ARK2C: variants seen among roughly 807,000 people sequenced by gnomAD.
ARK2C encodes the protein arkadia (RNF111) C-terminal like ring finger ubiquitin ligase 2C.
the ARK2C span, among the ~76,000 whole-genome samples, chr18:46,375,900 G>T: frequency 6.6e-6 from 1 of 152,182 alleles, no homozygotes; most frequent in East Asian, 1.9e-4. Context: ...AGCAAAACAG[G>T]TTCAGTCCCT....
At chr18:46,450,597 T>TA in the ARK2C span, 1 of 886,626 alleles carries the variant, frequency 1.1e-6, no homozygotes, top group Non-Finnish European at 1.8e-6. Flanking sequence ...TCCTGATAGC[T>TA]ATGTGAATGC....
chr18:46,443,941 G>A, the ARK2C span, among the ~76,000 whole-genome samples: 1 of 152,060 alleles, frequency 6.6e-6, no homozygotes, highest in Non-Finnish European at 1.5e-5. Context: ...CAGTCTCCTA[G>A]CAGTGCACTC....
the ARK2C span, among the ~76,000 whole-genome samples, chr18:46,359,867 C>T: frequency 6.6e-6 from 1 of 152,196 alleles, no homozygotes; most frequent in Non-Finnish European, 1.5e-5. Context: ...AACTAAGGCA[C>T]TTCCTAGAAA....
chr18:46,347,964 T>C, the ARK2C span, among the ~76,000 whole-genome samples: 46 of 152,186 alleles, frequency 3.0e-4, 1 homozygote, highest in African/African-American at 1.1e-3. Flanking sequence ...ATAATAACCA[T>C]AAGGGCAGTA....
At chr18:46,419,200 C>T in the ARK2C span, among the ~76,000 whole-genome samples, 8 of 152,128 alleles carry the variant, frequency 5.3e-5, no homozygotes, top group South Asian at 2.1e-4. Context: ...TTACTACAGA[C>T]GGCACTGGAG....
the ARK2C span, chr18:46,450,744 G>A: frequency 6.2e-6 from 10 of 1,613,862 alleles, no homozygotes; most frequent in Non-Finnish European, 7.6e-6. Flanking sequence ...AATGTGACTC[G>A]GGGAGCTGTA....
At chr18:46,334,711 TGTGTGAGA>T in the ARK2C span, 1,242 of 107,446 alleles carry the variant, frequency 0.012, 5 homozygotes, top group East Asian at 0.032. The surrounding 1 kb of genome is among the most constrained non-coding windows in gnomAD (Gnocchi z 4.4). Flanking sequence ...TGTGTGTGTG[TGTGTGAGA>T]GAGAGAGAGA....
chr18:46,461,345 GAAGA>G, the ARK2C span: 3 of 152,434 alleles, frequency 2.0e-5, no homozygotes, highest in Non-Finnish European at 4.4e-5. Flanking sequence ...TCTGAGGAGA[GAAGA>G]AAGAGGGAGA....
At chr18:46,449,454 C>A in the ARK2C span, among the ~76,000 whole-genome samples, 1 of 152,290 alleles carries the variant, frequency 6.6e-6, no homozygotes, top group South Asian at 2.1e-4. Flanking sequence ...GGTGCTGACA[C>A]AAACCCAAGC....
chr18:46,449,239 C>T, the ARK2C span, among the ~76,000 whole-genome samples: 2 of 152,166 alleles, frequency 1.3e-5, no homozygotes, highest in African/African-American at 4.8e-5. Context: ...TCCTCTCTGA[C>T]TCATAGCCAG....
At chr18:46,350,585 G>A in the ARK2C span, among the ~76,000 whole-genome samples, 3 of 152,168 alleles carry the variant, frequency 2.0e-5, no homozygotes, top group Admixed American at 6.5e-5. Flanking sequence ...AGAGGTGGAG[G>A]AAGAAGCAGC....
chr18:46,446,396 T>C, the ARK2C span, among the ~76,000 whole-genome samples: 81 of 151,820 alleles, frequency 5.3e-4, no homozygotes, highest in African/African-American at 1.9e-3. Flanking sequence ...GTTGGCTGGG[T>C]GTGGTGGCTC....
At chr18:46,358,284 G>A in the ARK2C span, among the ~76,000 whole-genome samples, 1 of 152,272 alleles carries the variant, frequency 6.6e-6, no homozygotes, top group South Asian at 2.1e-4. Flanking sequence ...TCCAGGAAGG[G>A]GAGGCCTCCC....
chr18:46,440,257 C>A, the ARK2C span, among the ~76,000 whole-genome samples: 1 of 151,846 alleles, frequency 6.6e-6, no homozygotes, highest in African/African-American at 2.4e-5. Context: ...GAAGATATTA[C>A]AGCATTTTGA....
the ARK2C span, among the ~76,000 whole-genome samples, chr18:46,344,397 C>T: frequency 7.3e-6 from 1 of 137,316 alleles, no homozygotes; most frequent in Non-Finnish European, 1.6e-5. Flanking sequence ...CTCCAGCCTT[C>T]CTCCCCCATG....
the ARK2C span, among the ~76,000 whole-genome samples, chr18:46,418,717 C>G: frequency 6.6e-6 from 1 of 152,276 alleles, no homozygotes; most frequent in Admixed American, 6.5e-5. Context: ...AATTCTGAAT[C>G]AAATACAATT....
At chr18:46,401,387 A>G in the ARK2C span, among the ~76,000 whole-genome samples, 106 of 152,042 alleles carry the variant, frequency 7.0e-4, no homozygotes, top group Non-Finnish European at 1.3e-3. Flanking sequence ...TTCTTATGCA[A>G]TTTTTCAAAT....
At chr18:46,363,922 T>C in the ARK2C span, among the ~76,000 whole-genome samples, 7 of 150,988 alleles carry the variant, frequency 4.6e-5, no homozygotes, top group African/African-American at 1.5e-4. Context: ...CTTTTTCTTT[T>C]CTTTTTTTTT....
the ARK2C span, chr18:46,447,673 ACTC>A: frequency 6.2e-7 from 1 of 1,612,904 alleles, no homozygotes; most frequent in Non-Finnish European, 8.5e-7. Context: ...TTTCCCAGAA[ACTC>A]CTCCTCCACA....
Sources: allele counts gnomAD v4.1 joint callset (sites outside exome capture counted in the v4.1 genomes callset), GRCh38; gene constraint gnomAD v4.1.1; non-coding constraint Gnocchi (gnomAD v3.1); transcripts MANE v1.5; gene names NCBI Gene and HGNC (gene_info 2026-07-23, HGNC 2026-07-21).